Variants in NEK10 observed in about 807,000 individuals in gnomAD.
NEK10 encodes serine/threonine-protein kinase Nek10.
In NEK10, 122 loss-of-function variants were observed where a neutral mutation model predicts 159.8. The observed-to-expected ratio is 0.76, with a 90% CI of 0.66 to 0.89. The LOEUF is 0.89. Among genes scored for constraint, NEK10 ranks in the 40% least tolerant of loss-of-function variants. NEK10 has a pLI of 0.00. For missense variants in NEK10, 1,342 were observed against 1,323.1 expected (o/e 1.01, Z -0.22); for synonymous variants, 466 against 457.1 (o/e 1.02, Z -0.25).
intron 1 of NEK10, among the ~76,000 whole-genome samples, chr3:27,367,223 C>A (rs950434861): frequency 6.6e-6 from 1 of 152,262 alleles, no homozygotes; most frequent in East Asian, 1.9e-4. Context: ...TGCTATTATA[C>A]CCCCATTGTG....
At chr3:27,331,604 A>T (rs1335028408) in intron 5 of NEK10, among the ~76,000 whole-genome samples, 1 of 152,160 alleles carries the variant, frequency 6.6e-6, no homozygotes, top group Non-Finnish European at 1.5e-5. Context: ...AATGCTGAGG[A>T]CCAGGTAAAG....
intron 15 of NEK10, among the ~76,000 whole-genome samples, chr3:27,294,834 G>T (rs551621): frequency 4.0e-5 from 6 of 151,696 alleles, no homozygotes; most frequent in Non-Finnish European, 7.4e-5. Flanking sequence ...TTGACATTAG[G>T]GCCACTGCCC....
At chr3:27,363,055 G>A (rs967681355) in intron 1 of NEK10, among the ~76,000 whole-genome samples, 2 of 152,114 alleles carry the variant, frequency 1.3e-5, no homozygotes, top group East Asian at 1.9e-4. Flanking sequence ...TGCAATTGGC[G>A]CTCCTGGCCA....
chr3:27,106,829 C>T lies in NEK10; in HGVS notation c.*4443G>A, dbSNP rs556187207. Among the ~76,000 whole-genome samples, 1 of 152,298 alleles carries T rather than the reference C, an allele frequency of 6.6e-6. No individual in the cohort carries two copies. The highest frequency in any genetic ancestry group is 2.1e-4 in the South Asian group (1 of 4,826). ...TGTCAAAATGACAGTCAGCCATAAT[C>T]CTCCATACATAAAGACAAAATTCTA... On this transcript the variant is annotated 3_prime_UTR_variant, in exon 36 of 36. Transcript: ENST00000691995.
intron 31 of NEK10, among the ~76,000 whole-genome samples, chr3:27,134,866 TA>T (rs1943021240): frequency 6.6e-6 from 1 of 152,216 alleles, no homozygotes; most frequent in African/African-American, 2.4e-5. Flanking sequence ...ACGTAAGGAC[TA>T]TAATACTAAG....
At chr3:27,174,300 A>G in intron 28 of NEK10, 139 bp downstream of exon 28, 3 of 1,309,304 alleles carry the variant, frequency 2.3e-6, no homozygotes, top group Non-Finnish European at 3.1e-6. Context: ...AGACAGACAC[A>G]TCTGTCCTAA....
intron 25 of NEK10, 114 bp downstream of exon 25, chr3:27,201,396 G>A (rs66472045): frequency 0.22 from 182,333 of 844,070 alleles, 20,182 homozygotes; most frequent in African/African-American, 0.25. Flanking sequence ...TCTAGATTTG[G>A]ATTATGTAGG....
chr3:27,180,715 C>A (rs897261042), intron 26 of NEK10, among the ~76,000 whole-genome samples: 10 of 152,174 alleles, frequency 6.6e-5, no homozygotes, highest in African/African-American at 2.2e-4. Context: ...GTCAAAATTC[C>A]AAACTGATTA....
Position 27,141,493 on chromosome 3 carries a change from A to G in NEK10, c.2959T>C (p.Tyr987His), listed in dbSNP as rs764591060. The G allele has an allele frequency of 7.4e-6, 12 of 1,611,974 alleles. No individual in the cohort carries two copies. In the South Asian group the frequency reaches 1.1e-4, roughly 15 times the overall value. ...QILIQLHKII[Y>H]ITQLPPALHH... is the part of the protein sequence containing the mutation. ...GCTAGAACACTGACCTGTGTGATAT[A>G]GATTATTTTGTGCAGCTGAATTAAT... The change falls in exon 31 of 36, where the codon TAT becomes CAT. Residue 987 changes from tyrosine to histidine, a missense_variant. Tyr to His is a moderately conservative substitution (Grantham distance 83). Transcript: ENST00000691995.
chr3:27,178,010 T>C (rs996224764), intron 26 of NEK10, among the ~76,000 whole-genome samples: 3 of 152,144 alleles, frequency 2.0e-5, no homozygotes, highest in African/African-American at 4.8e-5. Flanking sequence ...GCATCTATCC[T>C]AGGAATGGAT....
chr3:27,198,654 G>A (rs1374665660), intron 25 of NEK10, among the ~76,000 whole-genome samples: 4 of 152,036 alleles, frequency 2.6e-5, no homozygotes, highest in African/African-American at 9.7e-5. Context: ...ATCAACTCAA[G>A]ACAGATTAAA....
chr3:27,192,270 C>A, intron 25 of NEK10, 28 bp from the exon 26 acceptor site: 1 of 1,563,724 alleles, frequency 6.4e-7, no homozygotes, highest in Non-Finnish European at 8.8e-7. Flanking sequence ...AATTATAACA[C>A]TCTGGTCAAT....
At chr3:27,349,398 T>C (rs1490421660) in intron 3 of NEK10, among the ~76,000 whole-genome samples, 2 of 152,062 alleles carry the variant, frequency 1.3e-5, no homozygotes, top group African/African-American at 4.8e-5. Flanking sequence ...CAAGCTAAAA[T>C]TGGCTTCCTA....
chr3:27,320,426 A>T (rs1211269863), intron 6 of NEK10, among the ~76,000 whole-genome samples: 1 of 152,248 alleles, frequency 6.6e-6, no homozygotes, highest in Non-Finnish European at 1.5e-5. Context: ...AATATTACAC[A>T]TATAATGTTT....
chr3:27,191,975 C>G (rs548401708), intron 26 of NEK10, 54 bp downstream of exon 26: 2 of 1,509,408 alleles, frequency 1.3e-6, no homozygotes, highest in African/African-American at 2.7e-5. Context: ...GCATGAACAA[C>G]TTCAGACAGC....
At chr3:27,301,145 G>T (rs1184938954) in intron 13 of NEK10, among the ~76,000 whole-genome samples, 1 of 152,200 alleles carries the variant, frequency 6.6e-6, no homozygotes, top group Non-Finnish European at 1.5e-5. Context: ...GGTGCCCCCA[G>T]GCAGGGCACA....
At chr3:27,208,778 T>C (rs1008089750) in intron 23 of NEK10, among the ~76,000 whole-genome samples, 4 of 152,192 alleles carry the variant, frequency 2.6e-5, no homozygotes, top group South Asian at 2.1e-4. Context: ...ATTGGGGATA[T>C]TCAATGGGCA....
rs1951586176 is a variant in NEK10 at position 27,216,864 on chromosome 3, T to A, written c.2091-14307A>T. On this transcript the variant is annotated intron_variant, in intron 23 of 35. Transcript: ENST00000691995. ...TTGTATTAAACCAATAAGTTGGGGA[T>A]AAATGCTATGCAATGATTATCTGAA... 2.0e-5 allele frequency among the ~76,000 whole-genome samples: 3 copies of A among 152,336 alleles called. No homozygotes were observed. In the South Asian group the frequency reaches 6.2e-4, roughly 32 times the overall value.
chr3:27,266,108 A>G (rs1318097119), intron 22 of NEK10, among the ~76,000 whole-genome samples: 3 of 152,090 alleles, frequency 2.0e-5, no homozygotes, highest in Non-Finnish European at 4.4e-5. Flanking sequence ...CCCGGCCTAC[A>G]ATTTGCAAAT....
Sources: gnomAD v4.1 joint callset for allele counts (sites outside exome capture counted in the v4.1 genomes callset) on GRCh38, gnomAD v4.1.1 for gene constraint, MANE v1.5 for transcripts, NCBI Gene and HGNC (gene_info 2026-07-23, HGNC 2026-07-21) for gene names.